Variants in CEP57L1 observed in about 807,000 individuals in gnomAD.
The protein encoded by CEP57L1 is centrosomal protein 57 like 1, also known as centrosomal protein CEP57L1.
Under a neutral mutation model 61.0 loss-of-function variants are expected in CEP57L1, and 37 were observed. That is an observed-to-expected ratio of 0.61 (90% confidence interval 0.47 to 0.80). The LOEUF (loss-of-function observed/expected upper bound fraction) is 0.80, where lower values mean the gene tolerates loss of function less well. Ranked by LOEUF, CEP57L1 falls within the 30% of genes least tolerant of loss-of-function variation. The pLI is 0.00. For missense variants in CEP57L1, 422 were observed against 524.7 expected, an observed-to-expected ratio of 0.80 and a Z score of 1.91; for synonymous variants, 137 against 162.3, an observed-to-expected ratio of 0.84 and a Z score of 1.19.
At chr6:109,129,056 C>T (rs1475414017) in intron 1 of CEP57L1, among the ~76,000 whole-genome samples, 3 of 152,018 alleles carry the variant, frequency 2.0e-5, no homozygotes, top group Non-Finnish European at 4.4e-5. Context: ...AAAAATTAGC[C>T]AGGCATGGTG....
At chr6:109,127,973 C>G (rs1411925771) in intron 1 of CEP57L1, among the ~76,000 whole-genome samples, 1 of 152,094 alleles carries the variant, frequency 6.6e-6, no homozygotes, top group Non-Finnish European at 1.5e-5. Flanking sequence ...CTCAACACAT[C>G]TGAGGAGGAC....
rs572781655 is a variant in CEP57L1, at chr6:109,101,067, A to G, written c.-4+5492A>G. On this transcript the variant is annotated intron_variant, in intron 1 of 10. Transcript: ENST00000517392. ...GGTTGCAGTGAGCCAAGATCGCACC[A>G]CTGCACTCCAGTCTGGGCGACAGAG... 2.6e-5 allele frequency among the ~76,000 whole-genome samples: 4 copies of G among 152,338 alleles called. 1 individual carries two copies. Among genetic ancestry groups the G allele is most frequent in the Non-Finnish European group, 5.9e-5 (4 of 68,034 alleles).
chr6:109,146,163 T>C (rs1347944913), intron 2 of CEP57L1, among the ~76,000 whole-genome samples: 3 of 151,960 alleles, frequency 2.0e-5, no homozygotes, highest in African/African-American at 7.2e-5. Context: ...TCTGAACTTA[T>C]CTGAAGCATG....
intron 1 of CEP57L1, among the ~76,000 whole-genome samples, chr6:109,096,908 C>CT (rs1554269683): frequency 4.4e-4 from 67 of 152,200 alleles, no homozygotes; most frequent in Non-Finnish European, 4.0e-4. Context: ...CATGGCTTCA[C>CT]CAACACCTAT....
Position 109,167,617 on chromosome 6 carries a change from C to T in CEP57L1, c.*4647C>T, listed in dbSNP as rs140885765. Among the ~76,000 whole-genome samples, 7 of 150,948 alleles carry T rather than the reference C, an allele frequency of 4.6e-5. No homozygotes were observed. In the East Asian group the frequency reaches 1.4e-3, roughly 29 times the overall value. The stretch of plus-strand genomic sequence containing the variant: ...GCTTGAACCTGGGAGGCAGAGGTTG[C>T]GGTGAGCCGAGATTGTGCCACTGCA... On this transcript the variant is annotated 3_prime_UTR_variant, in exon 11 of 11. Transcript: ENST00000517392.
chr6:109,124,251 A>G (rs1773296772), intron 1 of CEP57L1, among the ~76,000 whole-genome samples: 1 of 152,164 alleles, frequency 6.6e-6, no homozygotes, highest in Non-Finnish European at 1.5e-5. Flanking sequence ...TACTACCTAC[A>G]GGATAAAATC....
chr6:109,153,809 C>A, intron 4 of CEP57L1, 24 bp from the exon 5 acceptor site: 1 of 1,423,296 alleles, frequency 7.0e-7, no homozygotes, highest in Non-Finnish European at 9.9e-7. Flanking sequence ...TTCAGGGTTG[C>A]TATTTTATTT....
At chr6:109,111,849 C>T (rs564379847) in intron 1 of CEP57L1, among the ~76,000 whole-genome samples, 2 of 152,298 alleles carry the variant, frequency 1.3e-5, no homozygotes, top group African/African-American at 4.8e-5. Context: ...TATGTTGAAC[C>T]AGCCTTGCAT....
intron 1 of CEP57L1, among the ~76,000 whole-genome samples, chr6:109,120,531 A>C (rs369959922): frequency 2.6e-5 from 4 of 152,176 alleles, no homozygotes; most frequent in African/African-American, 9.7e-5. Context: ...CAGGATTAGA[A>C]AAATTTTACT....
chr6:109,119,190 C>T (rs1351271571), intron 1 of CEP57L1, among the ~76,000 whole-genome samples: 2 of 152,100 alleles, frequency 1.3e-5, no homozygotes, highest in African/African-American at 4.8e-5. Flanking sequence ...CCTATATGCC[C>T]TGAGGAGGTC....
intron 1 of CEP57L1, among the ~76,000 whole-genome samples, chr6:109,111,999 T>C (rs1771693928): frequency 6.6e-6 from 1 of 152,220 alleles, no homozygotes; most frequent in South Asian, 2.1e-4. Flanking sequence ...TTTTGTTGTG[T>C]CTCTGCCAGG....
chr6:109,106,598 G>C, intron 1 of CEP57L1, among the ~76,000 whole-genome samples: 1 of 152,044 alleles, frequency 6.6e-6, no homozygotes, highest in Non-Finnish European at 1.5e-5. Flanking sequence ...AAGTATAGTA[G>C]TTTTTGCAAG....
At chr6:109,145,845 T>G (rs1269994082) in intron 2 of CEP57L1, among the ~76,000 whole-genome samples, 5 of 152,076 alleles carry the variant, frequency 3.3e-5, no homozygotes, top group East Asian at 3.9e-4. Flanking sequence ...AATAGAAATG[T>G]AGGAGGATCT....
At chr6:109,096,836 G>A (rs576303320) in intron 1 of CEP57L1, among the ~76,000 whole-genome samples, 1 of 152,112 alleles carries the variant, frequency 6.6e-6, no homozygotes, top group East Asian at 1.9e-4. Context: ...ATAAAGGGTC[G>A]GGTAGTTTCT....
At chr6:109,105,475 A>G (rs1737161959) in intron 1 of CEP57L1, among the ~76,000 whole-genome samples, 1 of 152,138 alleles carries the variant, frequency 6.6e-6, no homozygotes, top group Non-Finnish European at 1.5e-5. Flanking sequence ...TTTTTCATAT[A>G]CCAAATTCCC....
At chr6:109,125,750 A>G (rs1299904794) in intron 1 of CEP57L1, among the ~76,000 whole-genome samples, 2 of 151,568 alleles carry the variant, frequency 1.3e-5, no homozygotes, top group Non-Finnish European at 2.9e-5. Flanking sequence ...GTGGATAGAG[A>G]TGTTTAAAGT....
intron 4 of CEP57L1, among the ~76,000 whole-genome samples, chr6:109,150,988 G>T (rs1211372790): frequency 6.6e-6 from 1 of 152,118 alleles, no homozygotes; most frequent in African/African-American, 2.4e-5. Context: ...ATGCAGGAAG[G>T]AATGAAGAGC....
intron 4 of CEP57L1, among the ~76,000 whole-genome samples, chr6:109,152,214 C>G (rs1304006752): frequency 6.6e-6 from 1 of 152,080 alleles, no homozygotes; most frequent in African/African-American, 2.4e-5. Context: ...GAGTTTCACT[C>G]TTGTCGCCCA....
At position 109,107,469 on chromosome 6, in the gene CEP57L1, G is replaced by A. The variant is rs142807208; in HGVS notation, c.-4+11894G>A. Among the ~76,000 whole-genome samples the A allele has an allele frequency of 8.6e-3, 1,314 of 152,072 alleles. 24 individuals are homozygous for A. The highest frequency in any genetic ancestry group is 0.03 in the African/African-American group (1,241 of 41,492). On this transcript the variant is annotated intron_variant, in intron 1 of 10. Coordinates refer to ENST00000517392, the MANE Select transcript of CEP57L1 (RefSeq NM_001271852.3). The stretch of plus-strand genomic sequence containing the variant: ...TCTTTCTAAAGCCTGAAAAACATGC[G>A]TTTCAGATACCTGTTAAATAATGCA...
Sources: gnomAD v4.1 joint callset for allele counts (sites outside exome capture counted in the v4.1 genomes callset) on GRCh38, gnomAD v4.1.1 for gene constraint, MANE v1.5 for transcripts, NCBI Gene and HGNC (gene_info 2026-07-23, HGNC 2026-07-21) for gene names.